The following KIRREL3 variants were observed in gnomAD, a reference collection of about 807,000 sequenced individuals.
The protein encoded by KIRREL3 is kirre like nephrin family adhesion molecule 3, also known as kin of IRRE-like protein 3.
A neutral mutation model predicts 89.7 loss-of-function variants in KIRREL3; 36 were observed. The observed-to-expected ratio is 0.40, with a 90% confidence interval of 0.31 to 0.53. The LOEUF (loss-of-function observed/expected upper bound fraction) is 0.53, where lower values mean the gene tolerates loss of function less well. KIRREL3 is among the 20% of genes least tolerant of loss of function. The probability of loss-of-function intolerance (pLI) is 0.49; values close to 1 mark genes in which losing one functional copy is unlikely to be tolerated. For missense variants in KIRREL3, 864 were observed against 1,056.6 expected (o/e 0.82, Z 2.53); for synonymous variants, 445 against 441.4 (o/e 1.01, Z -0.10).
At chr11:126,732,601 G>A (rs552927117) in intron 1 of KIRREL3, among the ~76,000 whole-genome samples, 2 of 152,356 alleles carry the variant, frequency 1.3e-5, no homozygotes, top group Non-Finnish European at 2.9e-5. Flanking sequence ...CAGTGAGAGA[G>A]TGACTGTTTC....
In KIRREL3 at chr11:126,807,936, C is replaced by A. The variant is rs1368726042; in HGVS notation, c.55+192519G>T. Among the ~76,000 whole-genome samples, 2 of 152,160 alleles carry A rather than the reference C, an allele frequency of 1.3e-5. No individual in the cohort carries two copies. Among genetic ancestry groups the A allele is most frequent in the African/African-American group, 4.8e-5 (2 of 41,424 alleles). On this transcript the variant is annotated intron_variant, in intron 1 of 16. Coordinates refer to ENST00000525144, the MANE Select transcript of KIRREL3 (RefSeq NM_032531.4). The surrounding 1 kb of genome is among the most constrained non-coding windows in gnomAD (Gnocchi z 4.3). ...TATGCCCAAGGCCATGGGCTGCAACCTTTTTATCTGTATCCCTCAGTGCCT... is the reference window on the plus strand; with the variant it reads ...TATGCCCAAGGCCATGGGCTGCAACATTTTTATCTGTATCCCTCAGTGCCT...
Position 126,883,886 on chromosome 11 carries a change from G to A in KIRREL3, c.55+116569C>T, listed in dbSNP as rs142875699. Among the ~76,000 whole-genome samples the A allele has an allele frequency of 1.7e-4, 26 of 152,284 alleles. 1 individual carries two copies. The East Asian group carries it at 5.0e-3, about 29-fold the overall frequency. On this transcript the variant is annotated intron_variant, in intron 1 of 16. Transcript: ENST00000525144. The surrounding 1 kb of genome is among the most constrained non-coding windows in gnomAD (Gnocchi z 4.1). ...TTGGAATGGAGAGGTGGAGACATAG[G>A]TTTTGAATCGATACAAAGAACTTTC...
intron 4 of KIRREL3, among the ~76,000 whole-genome samples, chr11:126,512,572 C>G (rs187672240): frequency 1.4e-4 from 22 of 152,256 alleles, no homozygotes; most frequent in Admixed American, 4.6e-4. Flanking sequence ...AGCTGCCCCC[C>G]GCATGTTATA....
rs900900855 is a variant in KIRREL3 at position 126,696,070 on chromosome 11, A to G, written c.56-133158T>C. Among the ~76,000 whole-genome samples the G allele has an allele frequency of 6.6e-6, 1 of 151,872 alleles. No homozygotes were observed. Among genetic ancestry groups the G allele is most frequent in the African/African-American group, 2.4e-5 (1 of 41,308 alleles). On this transcript the variant is annotated intron_variant, in intron 1 of 16. Transcript: ENST00000525144. This position sits in a 1 kb window ranked among gnomAD's most constrained non-coding sequence, Gnocchi z 4.4. ...GGAGTTCAAGACCAGCCTGACCAAC[A>G]TGGTGAAACCCCATCTCTACTAAAA... is the stretch of plus-strand genomic sequence containing the variant.
Position 126,694,433 on chromosome 11 carries a change from G to T in KIRREL3, c.56-131521C>A, listed in dbSNP as rs78817177. Among the ~76,000 whole-genome samples, 5 of 152,240 alleles carry T rather than the reference G, an allele frequency of 3.3e-5. No individual in the cohort carries two copies. The East Asian group carries it at 7.7e-4, about 24-fold the overall frequency. ...TCTGATTGTGTCAGCATCACGCTCC[G>T]TGACATTTAAAAGTGGGGAAGGAAA... On this transcript the variant is annotated intron_variant, in intron 1 of 16. Coordinates refer to ENST00000525144, the MANE Select transcript of KIRREL3 (RefSeq NM_032531.4). This position sits in a 1 kb window ranked among gnomAD's most constrained non-coding sequence, Gnocchi z 4.4.
At chr11:126,730,566 G>A (rs1048487713) in intron 1 of KIRREL3, among the ~76,000 whole-genome samples, 1 of 152,114 alleles carries the variant, frequency 6.6e-6, no homozygotes, top group East Asian at 1.9e-4. Flanking sequence ...AACGTCCAGG[G>A]ACAATTTCTG....
intron 1 of KIRREL3, among the ~76,000 whole-genome samples, chr11:126,842,225 C>T (rs773181887): frequency 6.6e-6 from 1 of 152,176 alleles, no homozygotes; most frequent in Non-Finnish European, 1.5e-5. Flanking sequence ...CAGACAGAGA[C>T]AGCACATTGA....
chr11:126,890,627 A>G lies in KIRREL3; in HGVS notation c.55+109828T>C, dbSNP rs1457706878. 1.3e-5 allele frequency among the ~76,000 whole-genome samples: 2 copies of G among 152,156 alleles called. No homozygotes were observed. Among genetic ancestry groups the G allele is most frequent in the African/African-American group, 4.8e-5 (2 of 41,444 alleles). On this transcript the variant is annotated intron_variant, in intron 1 of 16. Transcript: ENST00000525144. This position sits in a 1 kb window ranked among gnomAD's most constrained non-coding sequence, Gnocchi z 5.1. ...CGTGGCTGCACATCCTGGCAAAAGG[A>G]GTTCATTTCGATGGCCAAGCAGCTT...
chr11:126,880,458 C>T (rs560439731), intron 1 of KIRREL3, among the ~76,000 whole-genome samples: 5 of 152,172 alleles, frequency 3.3e-5, no homozygotes, highest in Non-Finnish European at 7.4e-5. Flanking sequence ...GCTCTTTAAA[C>T]GCTAACAAGA....
rs531082307 is a variant in KIRREL3 at position 126,997,208 on chromosome 11, A to G, written c.55+3247T>C. 1.3e-5 allele frequency among the ~76,000 whole-genome samples: 2 copies of G among 152,344 alleles called. No homozygotes were observed. Among genetic ancestry groups the G allele is most frequent in the Middle Eastern group, 3.4e-3 (1 of 294 alleles). On this transcript the variant is annotated intron_variant, in intron 1 of 16. Transcript: ENST00000525144. This position sits in a 1 kb window ranked among gnomAD's most constrained non-coding sequence, Gnocchi z 4.3. ...ACTGAAATGATAAAGAGGAAAAAATATAGCAAGTTCTAAGTTTATGGATGA... is the reference window on the plus strand; with the variant it reads ...ACTGAAATGATAAAGAGGAAAAAATGTAGCAAGTTCTAAGTTTATGGATGA...
rs75304095 is a variant in KIRREL3 at position 126,622,239 on chromosome 11, G to A, written c.56-59327C>T. Among the ~76,000 whole-genome samples, 3,592 of 152,312 alleles carry A rather than the reference G, an allele frequency of 0.024. 147 individuals are homozygous for A. The highest frequency in any genetic ancestry group is 0.08 in the African/African-American group (3,320 of 41,550). On this transcript the variant is annotated intron_variant, in intron 1 of 16. Transcript: ENST00000525144. The surrounding 1 kb of genome is among the most constrained non-coding windows in gnomAD (Gnocchi z 5.2). The stretch of plus-strand genomic sequence containing the variant: ...GAACTTGGTATTCTTAGAGAAAGTT[G>A]TTGCACCTTTGGGTGCTGTTTTAAT...
chr11:126,511,911 C>T (rs923379113), intron 4 of KIRREL3, among the ~76,000 whole-genome samples: 2 of 152,198 alleles, frequency 1.3e-5, no homozygotes, highest in African/African-American at 2.4e-5. Flanking sequence ...CAGAGGGCTC[C>T]CTGTGCAGCT....
rs1008965992 is a variant in KIRREL3 at position 126,750,071 on chromosome 11, T to C, written c.56-187159A>G. On this transcript the variant is annotated intron_variant, in intron 1 of 16. Transcript: ENST00000525144. This position sits in a 1 kb window ranked among gnomAD's most constrained non-coding sequence, Gnocchi z 4.2. ...ATCTGTAAAATGCAGGCTGTGCTACTTAAATGGGGGCTTTTTGTGGATATT... is the reference window on the plus strand; with the variant it reads ...ATCTGTAAAATGCAGGCTGTGCTACCTAAATGGGGGCTTTTTGTGGATATT... 6.6e-6 allele frequency among the ~76,000 whole-genome samples: 1 copy of C among 152,236 alleles called. No individual in the cohort carries two copies. Among genetic ancestry groups the C allele is most frequent in the African/African-American group, 2.4e-5 (1 of 41,452 alleles).
At chr11:126,806,611 C>A (rs1951211802) in intron 1 of KIRREL3, among the ~76,000 whole-genome samples, 1 of 152,144 alleles carries the variant, frequency 6.6e-6, no homozygotes, top group African/African-American at 2.4e-5. Context: ...CCTAACCTAT[C>A]AGTTAGGGAT....
intron 1 of KIRREL3, among the ~76,000 whole-genome samples, chr11:126,674,629 C>T (rs1432620422): frequency 2.0e-5 from 3 of 152,210 alleles, no homozygotes; most frequent in Admixed American, 6.5e-5. Context: ...TGGGGACCTA[C>T]AAAAGGAGAT....
chr11:126,894,578 A>G (rs1486613076), intron 1 of KIRREL3, among the ~76,000 whole-genome samples: 7 of 137,676 alleles, frequency 5.1e-5, no homozygotes, highest in African/African-American at 1.1e-4. Flanking sequence ...AAAGGAAAAG[A>G]AAGAAAGAAA....
At chr11:126,829,606 C>T (rs1943535755) in intron 1 of KIRREL3, among the ~76,000 whole-genome samples, 1 of 152,112 alleles carries the variant, frequency 6.6e-6, no homozygotes, top group South Asian at 2.1e-4. Flanking sequence ...AAACCTACTT[C>T]CCAATGCTCA....
chr11:126,521,180 G>T lies in KIRREL3; in HGVS notation c.433+135C>A. 1 of 913,054 alleles carries T rather than the reference G, an allele frequency of 1.1e-6. No individual in the cohort carries two copies. Among genetic ancestry groups the T allele is most frequent in the Non-Finnish European group, 1.5e-6 (1 of 658,440 alleles). The allele number at this position is 913,054 out of a possible 1,614,324, so 56.6% of individuals were successfully genotyped here. A position where few individuals can be genotyped will look rare whatever the true frequency, so the allele number is the denominator to read the frequency against. ...GAAGGTGGGCATGGATATTGTGGAA[G>T]CAGCAGTGTCTGGAGCCCTGTGGGA... On this transcript the variant is annotated intron_variant, in intron 4 of 16. Transcript: ENST00000525144. This position sits in a 1 kb window ranked among gnomAD's most constrained non-coding sequence, Gnocchi z 4.1.
intron 1 of KIRREL3, among the ~76,000 whole-genome samples, chr11:126,616,065 G>A (rs921293789): frequency 5.3e-5 from 8 of 152,170 alleles, no homozygotes; most frequent in East Asian, 1.9e-4. Context: ...GCATTACTAC[G>A]CGGCCGAGCA....
Sources: gnomAD v4.1 joint callset for allele counts (sites outside exome capture counted in the v4.1 genomes callset) on GRCh38, gnomAD v4.1.1 for gene constraint, Gnocchi (gnomAD v3.1) non-coding constraint, MANE v1.5 for transcripts, NCBI Gene and HGNC (gene_info 2026-07-23, HGNC 2026-07-21) for gene names.